The following TSPAN18 variants were observed in gnomAD, a reference collection of about 807,000 sequenced individuals.
TSPAN18 encodes the protein tetraspanin-18.
Under a neutral mutation model 27.3 loss-of-function variants are expected in TSPAN18, and 14 were observed. The observed-to-expected ratio is 0.51, with a 90% confidence interval of 0.34 to 0.80. The LOEUF (loss-of-function observed/expected upper bound fraction) is 0.80, where lower values mean the gene tolerates loss of function less well. TSPAN18 is among the 30% of genes least tolerant of loss of function. The pLI is 0.01. For missense variants in TSPAN18, 268 were observed against 323.9 expected (o/e 0.83, Z 1.32); for synonymous variants, 143 against 136.5 (o/e 1.05, Z -0.33).
At chr11:44,854,388 C>T (rs11038175) in intron 2 of TSPAN18, among the ~76,000 whole-genome samples, 64,933 of 151,924 alleles carry the variant, frequency 0.43, 16,207 homozygotes, top group Non-Finnish European at 0.58. Context: ...AACATGAGGC[C>T]CAGGTGTCCC....
chr11:44,802,850 T>C (rs1444221561), intron 2 of TSPAN18, among the ~76,000 whole-genome samples: 1 of 152,208 alleles, frequency 6.6e-6, no homozygotes, highest in African/African-American at 2.4e-5. Flanking sequence ...CTCAGACCCA[T>C]TCCTTTTATT....
chr11:44,742,846 C>G (rs932367205), intron 1 of TSPAN18, among the ~76,000 whole-genome samples: 2 of 152,200 alleles, frequency 1.3e-5, no homozygotes, highest in African/African-American at 2.4e-5. Context: ...TGACAGAGAC[C>G]CTTTCTTATG....
rs1860613010 is a variant in TSPAN18, at chr11:44,932,334, C to T, written c.*3156C>T. Reference sequence around the variant, plus strand: ...CCAGAGGAAGTTTTGTAATATAAAACAGGACGCCCACACTGATGGTTTTGC... The same window carrying T: ...CCAGAGGAAGTTTTGTAATATAAAATAGGACGCCCACACTGATGGTTTTGC... On this transcript the variant is annotated 3_prime_UTR_variant, in exon 10 of 10. Transcript: ENST00000520358. 1 of 152,210 alleles carries T rather than the reference C, an allele frequency of 6.6e-6. No individual in the cohort carries two copies. Among genetic ancestry groups the T allele is most frequent in the Non-Finnish European group, 1.5e-5 (1 of 68,044 alleles). 9.4% of individuals were successfully genotyped at this position (152,210 alleles called of 1,614,324 possible).
At chr11:44,800,006 G>GTTTTT (rs60067559) in intron 2 of TSPAN18, among the ~76,000 whole-genome samples, 9 of 109,366 alleles carry the variant, frequency 8.2e-5, no homozygotes, top group Non-Finnish European at 9.0e-5. Flanking sequence ...AATTTTTTGT[G>GTTTTT]TTTTTTTTTT....
intron 1 of TSPAN18, among the ~76,000 whole-genome samples, chr11:44,758,902 C>G (rs979872689): frequency 6.6e-6 from 1 of 152,190 alleles, no homozygotes; most frequent in Non-Finnish European, 1.5e-5. Context: ...CATCTCCTAC[C>G]GTGTTTCCTA....
intron 3 of TSPAN18, among the ~76,000 whole-genome samples, chr11:44,871,520 T>C (rs1239503791): frequency 6.6e-6 from 1 of 152,234 alleles, no homozygotes; most frequent in Non-Finnish European, 1.5e-5. Flanking sequence ...CAGTAAGTGA[T>C]GGTCCAGCAG....
At chr11:44,771,291 C>G (rs2053940890) in intron 2 of TSPAN18, among the ~76,000 whole-genome samples, 1 of 152,204 alleles carries the variant, frequency 6.6e-6, no homozygotes, top group African/African-American at 2.4e-5. Flanking sequence ...AAATGAAGCT[C>G]TATGCCTTGC....
intron 2 of TSPAN18, among the ~76,000 whole-genome samples, chr11:44,801,770 A>G (rs835812): frequency 0.54 from 81,971 of 151,976 alleles, 22,881 homozygotes; most frequent in East Asian, 0.93. Context: ...AGTGGCTCAC[A>G]CCTGTAATCG....
chr11:44,768,201 A>T (rs1016366041), intron 2 of TSPAN18, among the ~76,000 whole-genome samples: 1 of 152,210 alleles, frequency 6.6e-6, no homozygotes. Context: ...AAGAACTGAC[A>T]TCTTGACATT....
intron 5 of TSPAN18, among the ~76,000 whole-genome samples, chr11:44,911,430 C>G (rs1419784826): frequency 2.0e-5 from 3 of 152,116 alleles, no homozygotes; most frequent in Non-Finnish European, 4.4e-5. Context: ...TGACAAGGAG[C>G]CTTGGGCCTA....
At chr11:44,728,802 G>A (rs1854581300) in intron 1 of TSPAN18, among the ~76,000 whole-genome samples, 1 of 152,156 alleles carries the variant, frequency 6.6e-6, no homozygotes, top group Non-Finnish European at 1.5e-5. Flanking sequence ...TGTCATGTGC[G>A]GGGCTAACAT....
At chr11:44,807,979 G>A (rs1856636915) in intron 2 of TSPAN18, among the ~76,000 whole-genome samples, 1 of 152,170 alleles carries the variant, frequency 6.6e-6, no homozygotes, top group African/African-American at 2.4e-5. Flanking sequence ...CTGAGCTGGG[G>A]ATCTCCCCTA....
At chr11:44,846,915 T>A (rs993538132) in intron 2 of TSPAN18, among the ~76,000 whole-genome samples, 3 of 152,132 alleles carry the variant, frequency 2.0e-5, no homozygotes, top group Non-Finnish European at 4.4e-5. Context: ...GCCTACTATA[T>A]GCCATGCACA....
chr11:44,913,651 A>G lies in TSPAN18; in HGVS notation c.258+3752A>G, dbSNP rs989312860. Among the ~76,000 whole-genome samples the G allele has an allele frequency of 2.6e-5, 4 of 152,384 alleles. No individual in the cohort carries two copies. The South Asian group carries it at 6.2e-4, about 24-fold the overall frequency. ...TATGTAAATTTGGTAAATATTTATT[A>G]GAAATGGGAACTGTGAGCAGACATT... On this transcript the variant is annotated intron_variant, in intron 5 of 9. Transcript: ENST00000520358.
rs61368907 is a variant in TSPAN18, at chr11:44,804,103, C to CT, written c.-153+39601dup. On this transcript the variant is annotated intron_variant, in intron 2 of 9. Transcript: ENST00000520358. ...CCTGGATGGTAAATTTCTTTTTTTT[C>CT]TTTTTTTTTTCCCCCCAGAGACAGA... is the stretch of plus-strand genomic sequence containing the variant. Among the ~76,000 whole-genome samples, 247 of 150,012 alleles carry CT rather than the reference C, an allele frequency of 1.6e-3. 3 individuals are homozygous for CT. The highest frequency in any genetic ancestry group is 5.6e-3 in the African/African-American group (229 of 40,974).
At chr11:44,919,342 A>ACTGGGCATCGTGGCTCTGAATG in intron 7 of TSPAN18, 30 bp downstream of exon 7, 1 of 1,570,228 alleles carries the variant, frequency 6.4e-7, no homozygotes, top group African/African-American at 1.3e-5. Context: ...TGCTATGAAC[A>ACTGGGCATCGTGGCTCTGAATG]TTCAGAGCCA....
Position 44,929,112 on chromosome 11 carries a change from T to C in TSPAN18, c.700-19T>C. On this transcript the variant is annotated intron_variant, in intron 9 of 9. Transcript: ENST00000520358. ...CCCAGCCTGATAAGCCAGTTCCTGCTCTTTTTCTTTTTTTGCAGCTTTTCG... is the reference window on the plus strand; with the variant it reads ...CCCAGCCTGATAAGCCAGTTCCTGCCCTTTTTCTTTTTTTGCAGCTTTTCG... 1 of 1,612,548 alleles carries C rather than the reference T, an allele frequency of 6.2e-7. No homozygotes were observed. Among genetic ancestry groups the C allele is most frequent in the Admixed American group, 1.7e-5 (1 of 60,016 alleles).
intron 2 of TSPAN18, among the ~76,000 whole-genome samples, chr11:44,847,302 T>A (rs1857505138): frequency 6.6e-6 from 1 of 152,058 alleles, no homozygotes; most frequent in Non-Finnish European, 1.5e-5. Context: ...AAGCCACAAG[T>A]GTGAACCTGG....
rs779364374 is a variant in TSPAN18 at position 44,906,506 on chromosome 11, C to G, written c.63+27C>G. ...TAAGTATTCCTGGGTCTTCCCAGGC[C>G]TCTGCTGGGTGGGCAGAACTGGCTG... is the stretch of plus-strand genomic sequence containing the variant. On this transcript the variant is annotated intron_variant, in intron 4 of 9. Transcript: ENST00000520358. 6 of 1,584,142 alleles carry G rather than the reference C, an allele frequency of 3.8e-6. No individual in the cohort carries two copies. In the South Asian group the frequency reaches 6.6e-5, roughly 18 times the overall value.
Sources: allele counts gnomAD v4.1 joint callset (sites outside exome capture counted in the v4.1 genomes callset), GRCh38; gene constraint gnomAD v4.1.1; transcripts MANE v1.5; gene names NCBI Gene and HGNC (gene_info 2026-07-23, HGNC 2026-07-21).